The following FGF14 variants were observed in gnomAD, a reference collection of about 807,000 sequenced individuals.
The protein encoded by FGF14 is fibroblast growth factor 14, also known as fibroblast growth factor homologous factor 4.
Under a neutral mutation model 25.5 loss-of-function variants are expected in FGF14, and 5 were observed. That is an observed-to-expected ratio of 0.20 (90% CI 0.10 to 0.41). FGF14 has a LOEUF of 0.41. Ranked by LOEUF, FGF14 falls within the 10% of genes least tolerant of loss-of-function variation. FGF14 has a pLI of 1.00. For synonymous variants in FGF14, 138 were observed against 118.3 expected (o/e 1.17, Z -1.08); for missense variants, 222 against 320.1 (o/e 0.69, Z 2.34).
In FGF14 at chr13:102,072,371, T is replaced by TAA. The variant is rs539464316; in HGVS notation, c.209-197077_209-197076dup. Among the ~76,000 whole-genome samples, 23 of 152,118 alleles carry TAA rather than the reference T, an allele frequency of 1.5e-4. No individual in the cohort carries two copies. The South Asian group carries it at 4.6e-3, about 30-fold the overall frequency. On this transcript the variant is annotated intron_variant, in intron 1 of 4. Transcript: ENST00000376131. ...AAACAATAAAGCAGAAAAGGATACA[T>TAA]AAATAAATAAATAAAGGATGGAGGG...
At chr13:102,234,037 A>T (rs1314317162) in intron 1 of FGF14, among the ~76,000 whole-genome samples, 1 of 152,174 alleles carries the variant, frequency 6.6e-6, no homozygotes, top group Non-Finnish European at 1.5e-5. Flanking sequence ...GTTGCCAGGG[A>T]CTGGGGAAAG....
chr13:101,743,365 A>G (rs994395379), intron 3 of FGF14, among the ~76,000 whole-genome samples: 8 of 152,208 alleles, frequency 5.3e-5, no homozygotes, highest in Non-Finnish European at 1.0e-4. Flanking sequence ...CCAATTGTGG[A>G]ATTCTACAAA....
intron 1 of FGF14, among the ~76,000 whole-genome samples, chr13:102,389,540 G>C (rs894350190): frequency 6.6e-6 from 1 of 152,144 alleles, no homozygotes; most frequent in African/African-American, 2.4e-5. Context: ...GACTGTCCTT[G>C]CAAAAATATT....
At chr13:102,256,637 T>C (rs527775077) in intron 1 of FGF14, among the ~76,000 whole-genome samples, 6 of 152,352 alleles carry the variant, frequency 3.9e-5, no homozygotes, top group Admixed American at 2.6e-4. Flanking sequence ...ACACATCTTC[T>C]GGAATTTCCC....
Position 101,719,576 on chromosome 13 carries a change from T to G in FGF14, c.*3255A>C, listed in dbSNP as rs2034852358. On this transcript the variant is annotated 3_prime_UTR_variant, in exon 5 of 5. Coordinates refer to ENST00000376143, the MANE Select transcript of FGF14 (RefSeq NM_004115.4). ...AATGTTTTAAAAAGCAATCTTATATTAGAAAACAAAAATGTTGTCACTTGA... is the reference window on the plus strand; with the variant it reads ...AATGTTTTAAAAAGCAATCTTATATGAGAAAACAAAAATGTTGTCACTTGA... 6.6e-6 allele frequency: 1 copy of G among 152,076 alleles called. No individual in the cohort carries two copies. Among genetic ancestry groups the G allele is most frequent in the Admixed American group, 6.6e-5 (1 of 15,240 alleles). The allele number at this position is 152,076 out of a possible 1,614,324, so 9.4% of individuals were successfully genotyped here.
intron 1 of FGF14, among the ~76,000 whole-genome samples, chr13:102,113,963 G>A (rs150347332): frequency 5.1e-4 from 78 of 152,316 alleles, no homozygotes; most frequent in African/African-American, 1.5e-3. Flanking sequence ...GGAGACGGCT[G>A]ATTTTACCTC....
At chr13:102,208,714 A>G (rs561579669) in intron 1 of FGF14, among the ~76,000 whole-genome samples, 2 of 152,154 alleles carry the variant, frequency 1.3e-5, no homozygotes, top group African/African-American at 4.8e-5. Context: ...AGTTTATCCT[A>G]CCTCACACTT....
intron 1 of FGF14, among the ~76,000 whole-genome samples, chr13:102,161,592 GAA>G (rs2047670398): frequency 1.8e-3 from 4 of 2,260 alleles, no homozygotes; most frequent in Non-Finnish European, 2.0e-3. Flanking sequence ...AGAAGAAGAA[GAA>G]GAAGAAGAAG....
At chr13:102,025,796 AT>A (rs1595036071) in intron 1 of FGF14, among the ~76,000 whole-genome samples, 1 of 151,988 alleles carries the variant, frequency 6.6e-6, no homozygotes, top group East Asian at 1.9e-4. Flanking sequence ...TCACTTTCAG[AT>A]TTTTCATTGT....
intron 1 of FGF14, among the ~76,000 whole-genome samples, chr13:101,970,041 A>T (rs997876665): frequency 1.3e-5 from 2 of 152,144 alleles, no homozygotes; most frequent in Non-Finnish European, 1.5e-5. Flanking sequence ...CTTTTATTTT[A>T]TTCAAGATGA....
intron 1 of FGF14, among the ~76,000 whole-genome samples, chr13:102,161,611 AAGAAGAAGAAGAAGAAGAAGAAG>A (rs2047688383): frequency 6.8e-4 from 3 of 4,418 alleles, no homozygotes; most frequent in Non-Finnish European, 6.8e-4. Flanking sequence ...GAAGAAGAAG[AAGAAGAAGAAGAAGAAGAAGAAG>A]AAGAAGAAGA....
intron 1 of FGF14, among the ~76,000 whole-genome samples, chr13:102,063,138 T>A (rs1292474485): frequency 6.6e-6 from 1 of 152,196 alleles, no homozygotes; most frequent in East Asian, 1.9e-4. Context: ...TGTATTCACA[T>A]AATATTATTA....
chr13:101,868,419 G>T (rs181209159), intron 3 of FGF14: 52 of 237,846 alleles, frequency 2.2e-4, no homozygotes, highest in Non-Finnish European at 3.2e-4. Context: ...AACATTATAA[G>T]AAACTCTCTA....
chr13:102,258,711 A>C (rs943474849), intron 1 of FGF14, among the ~76,000 whole-genome samples: 4 of 152,164 alleles, frequency 2.6e-5, no homozygotes, highest in African/African-American at 9.7e-5. Flanking sequence ...GCTGTGGGTA[A>C]TGTCAGAGGG....
In FGF14 at chr13:101,991,827, C is replaced by G. The variant is rs1428704096; in HGVS notation, c.209-116531G>C. Reference sequence around the variant, plus strand: ...AGTCTCGGCAAGAAGCCCACACTTTCTTAAATTTTACCTCCAGCAGCTTTG... The same window carrying G: ...AGTCTCGGCAAGAAGCCCACACTTTGTTAAATTTTACCTCCAGCAGCTTTG... On this transcript the variant is annotated intron_variant, in intron 1 of 4. Coordinates refer to the FGF14 transcript ENST00000376131. Among the ~76,000 whole-genome samples, 39 of 152,188 alleles carry G rather than the reference C, an allele frequency of 2.6e-4. No individual in the cohort carries two copies. In the South Asian group the frequency reaches 8.1e-3, roughly 32 times the overall value.
intron 1 of FGF14, among the ~76,000 whole-genome samples, chr13:102,242,871 T>G (rs1195673772): frequency 4.6e-5 from 7 of 152,104 alleles, no homozygotes; most frequent in Admixed American, 4.6e-4. Flanking sequence ...AAGCTTTCCC[T>G]CAAAATCAGT....
At chr13:102,234,515 G>C (rs375329789) in intron 1 of FGF14, among the ~76,000 whole-genome samples, 6 of 151,852 alleles carry the variant, frequency 4.0e-5, no homozygotes, top group Admixed American at 3.3e-4. Flanking sequence ...TAGTACCATG[G>C]AAATATACAC....
intron 3 of FGF14, among the ~76,000 whole-genome samples, chr13:101,852,582 A>C (rs1241912836): frequency 7.2e-6 from 1 of 138,400 alleles, no homozygotes; most frequent in African/African-American, 2.5e-5. Context: ...GCTTTTAAAT[A>C]CATCCTTTCT....
chr13:102,070,775 G>A (rs1193991662), intron 1 of FGF14, among the ~76,000 whole-genome samples: 1 of 152,086 alleles, frequency 6.6e-6, no homozygotes, highest in Non-Finnish European at 1.5e-5. Context: ...GTTAAATAAG[G>A]CATGTTTTTT....
Sources: allele counts gnomAD v4.1 joint callset (sites outside exome capture counted in the v4.1 genomes callset), GRCh38; gene constraint gnomAD v4.1.1; transcripts MANE v1.5; gene names NCBI Gene and HGNC (gene_info 2026-07-23, HGNC 2026-07-21).